BBS7: variants seen among roughly 807,000 people sequenced by gnomAD.
BBS7 encodes the protein BBSome complex member BBS7.
BBS7 carries 50 observed loss-of-function variants against 90.3 expected under a neutral mutation model. The observed-to-expected ratio is 0.55, with a 90% confidence interval of 0.44 to 0.70. The LOEUF (loss-of-function observed/expected upper bound fraction) is 0.70, where lower values mean the gene tolerates loss of function less well. BBS7 is among the 30% of genes least tolerant of loss of function. BBS7 has a pLI of 0.00. For synonymous variants in BBS7, 235 were observed against 287.4 expected, an observed-to-expected ratio of 0.82 and a Z score of 1.85; for missense variants, 729 against 838.9, an observed-to-expected ratio of 0.87 and a Z score of 1.62.
chr4:121,855,745 A>T (rs1487572028), intron 5 of BBS7, among the ~76,000 whole-genome samples, 184 bp from the exon 6 acceptor site: 2 of 151,938 alleles, frequency 1.3e-5, no homozygotes, highest in Non-Finnish European at 2.9e-5. Context: ...ACTGATTTGA[A>T]AACAACATAT....
intron 1 of BBS7, among the ~76,000 whole-genome samples, chr4:121,870,019 T>A (rs1458655670): frequency 1.3e-5 from 2 of 152,114 alleles, no homozygotes; most frequent in African/African-American, 2.4e-5. Flanking sequence ...TGAGACAGTG[T>A]CACATTTTCA....
intron 5 of BBS7, among the ~76,000 whole-genome samples, chr4:121,857,099 G>A (rs1370769236): frequency 6.7e-6 from 1 of 149,416 alleles, no homozygotes; most frequent in Non-Finnish European, 1.5e-5. Context: ...TTTAGAAAAC[G>A]TAAGAAAGCC....
chr4:121,850,574 T>C (rs957068500), intron 8 of BBS7, among the ~76,000 whole-genome samples: 1 of 152,230 alleles, frequency 6.6e-6, no homozygotes, highest in Non-Finnish European at 1.5e-5. Flanking sequence ...CACATAAACA[T>C]ATACAGCAAT....
At chr4:121,845,323 G>A (rs373954820) in intron 11 of BBS7, among the ~76,000 whole-genome samples, 181 bp downstream of exon 11, 2 of 151,822 alleles carry the variant, frequency 1.3e-5, no homozygotes, top group Non-Finnish European at 2.9e-5. Context: ...AGCTGAGATC[G>A]CACCACTGCA....
chr4:121,839,748 A>C (rs769112271), intron 12 of BBS7, 52 bp from the exon 13 acceptor site: 1 of 1,415,106 alleles, frequency 7.1e-7, no homozygotes, highest in Non-Finnish European at 1.0e-6. Context: ...TTTTAGCAAC[A>C]AAAAAAAGAC....
intron 18 of BBS7, among the ~76,000 whole-genome samples, chr4:121,826,933 G>A (rs1485155053): frequency 1.3e-5 from 2 of 152,176 alleles, no homozygotes; most frequent in East Asian, 1.9e-4. Flanking sequence ...GCAGTAAGCC[G>A]AGATCGCGCC....
Position 121,848,094 on chromosome 4 carries a change from C to G in BBS7, c.935-588G>C, listed in dbSNP as rs151317830. ...CTAAACACTCTTAAAAAGTATTATT[C>G]AAATATCAACTATTTTATAAATCAA... On this transcript the variant is annotated intron_variant, in intron 9 of 18. Transcript: ENST00000264499. Among the ~76,000 whole-genome samples the G allele has an allele frequency of 4.2e-3, 632 of 152,108 alleles. 10 individuals are homozygous for G. The highest frequency in any genetic ancestry group is 0.014 in the African/African-American group (593 of 41,492).
intron 12 of BBS7, among the ~76,000 whole-genome samples, chr4:121,842,373 G>C (rs1725788927): frequency 6.6e-6 from 1 of 151,312 alleles, no homozygotes; most frequent in Non-Finnish European, 1.5e-5. Context: ...GGTGGCTCAT[G>C]CTTATAATCC....
intron 13 of BBS7, among the ~76,000 whole-genome samples, chr4:121,836,369 C>T (rs1199863895): frequency 2.6e-5 from 4 of 152,134 alleles, no homozygotes; most frequent in African/African-American, 7.2e-5. Flanking sequence ...TATGCCTCCT[C>T]ATATTGTATA....
rs1267264506 is a variant in BBS7 at position 121,859,049 on chromosome 4, T to C, written c.471A>G (p.Arg157=). 3 of 1,613,968 alleles carry C rather than the reference T, an allele frequency of 1.9e-6. No individual in the cohort carries two copies. Among genetic ancestry groups the C allele is most frequent in the Non-Finnish European group, 2.5e-6 (3 of 1,179,904 alleles). ...CCAATACAGGTGTGATACGAGATAATCTTTCCACTGGAAGGCAGATCACAT... is the reference window on the plus strand; with the variant it reads ...CCAATACAGGTGTGATACGAGATAACCTTTCCACTGGAAGGCAGATCACAT... ...INDVICLPVE[R]LSRITPVLAC... is the part of the protein sequence containing the mutation. Residue 157 remains arginine, a synonymous_variant, in exon 5 of 19, where the codon AGA becomes AGG. Transcript: ENST00000264499.
Position 121,833,292 on chromosome 4 carries a change from C to G in BBS7, c.1615G>C (p.Glu539Gln). Residue 539 changes from glutamate to glutamine, a missense_variant, in exon 15 of 19, where the codon GAA (glutamate) becomes CAA (glutamine). Transcript: ENST00000264499. Reference protein sequence around the residue: ...PEVPEKPPAGECVTFYFQNTF... With the variant: ...PEVPEKPPAGQCVTFYFQNTF... ...TTCTGAAAGTAAAATGTCACACATT[C>G]TCCTGCTGGAGGTTTTTCTGGAACT... 3 of 1,614,022 alleles carry G rather than the reference C, an allele frequency of 1.9e-6. No individual in the cohort carries two copies. The South Asian group carries it at 3.3e-5, about 18-fold the overall frequency.
chr4:121,870,133 G>T, intron 1 of BBS7, 145 bp downstream of exon 1: 1 of 929,124 alleles, frequency 1.1e-6, no homozygotes, highest in Non-Finnish European at 1.7e-6. Flanking sequence ...CCCAAAGGCG[G>T]GGTGCTGAGA....
At chr4:121,870,195 A>C (rs1727509116) in intron 1 of BBS7, 83 bp downstream of exon 1, 1 of 1,582,846 alleles carries the variant, frequency 6.3e-7, no homozygotes, top group Admixed American at 1.7e-5. Context: ...CTGGCGACCG[A>C]GACTTTCGTC....
intron 13 of BBS7, among the ~76,000 whole-genome samples, chr4:121,836,020 T>C (rs546516733): frequency 5.9e-5 from 9 of 152,332 alleles, no homozygotes; most frequent in African/African-American, 2.2e-4. Flanking sequence ...TAAAAATCTA[T>C]TGACAGAAAA....
intron 10 of BBS7, 54 bp from the exon 11 acceptor site, chr4:121,845,750 G>A (rs966794279): frequency 2.2e-5 from 33 of 1,467,468 alleles, no homozygotes; most frequent in South Asian, 7.0e-5. Flanking sequence ...ATTTGAGGTC[G>A]TTAGGATGTT....
intron 15 of BBS7, among the ~76,000 whole-genome samples, chr4:121,830,313 A>G (rs1443674106): frequency 2.6e-5 from 4 of 152,192 alleles, no homozygotes; most frequent in East Asian, 1.9e-4. Context: ...AGGCATTAGA[A>G]TCACTTGGGC....
intron 14 of BBS7, among the ~76,000 whole-genome samples, chr4:121,834,230 CTAAAT>C (rs1207751925): frequency 6.6e-6 from 1 of 152,136 alleles, no homozygotes; most frequent in Non-Finnish European, 1.5e-5. Flanking sequence ...AACCTAGAGG[CTAAAT>C]TAAATTATCC....
intron 4 of BBS7, among the ~76,000 whole-genome samples, chr4:121,860,489 A>G (rs534589929): frequency 2.0e-5 from 3 of 152,172 alleles, no homozygotes; most frequent in Non-Finnish European, 4.4e-5. Flanking sequence ...CCACTCTAGT[A>G]AAAACATTTA....
chr4:121,847,309 T>G (rs1198488042), intron 10 of BBS7, 95 bp downstream of exon 10: 1 of 804,658 alleles, frequency 1.2e-6, no homozygotes, highest in Non-Finnish European at 2.1e-6. Context: ...ACATAATTCC[T>G]TCCAATAAAA....
Sources: allele counts gnomAD v4.1 joint callset (sites outside exome capture counted in the v4.1 genomes callset), GRCh38; gene constraint gnomAD v4.1.1; transcripts MANE v1.5; gene names NCBI Gene and HGNC (gene_info 2026-07-23, HGNC 2026-07-21).